Variants in DPP6 observed in about 807,000 individuals in gnomAD.
DPP6 encodes dipeptidyl peptidase like 6.
In DPP6, 69 loss-of-function variants were observed where a neutral mutation model predicts 122.6. The observed-to-expected ratio is 0.56, with a 90% confidence interval of 0.46 to 0.69. The LOEUF (loss-of-function observed/expected upper bound fraction) is 0.69, where lower values mean the gene tolerates loss of function less well. Ranked by LOEUF, DPP6 falls within the 30% of genes least tolerant of loss-of-function variation. DPP6 has a pLI of 0.00. For missense variants in DPP6, 928 were observed against 1,116.9 expected (o/e 0.83, Z 2.41); for synonymous variants, 418 against 433.1 (o/e 0.97, Z 0.43).
At chr7:154,298,182 G>C (rs537234862) in intron 1 of DPP6, among the ~76,000 whole-genome samples, 2 of 152,030 alleles carry the variant, frequency 1.3e-5, no homozygotes, top group South Asian at 4.2e-4. Flanking sequence ...CTCTTCCCCG[G>C]GTTTCCAGCC....
intron 1 of DPP6, among the ~76,000 whole-genome samples, chr7:154,253,896 A>T (rs1802501177): frequency 6.6e-6 from 1 of 152,214 alleles, no homozygotes; most frequent in Non-Finnish European, 1.5e-5. Context: ...AGGGGAAGCA[A>T]CTGTGTCTTC....
At chr7:154,419,154 T>TA (rs1028049458) in intron 1 of DPP6, among the ~76,000 whole-genome samples, 5 of 152,254 alleles carry the variant, frequency 3.3e-5, no homozygotes, top group African/African-American at 1.2e-4. Flanking sequence ...ATTTTAGTAT[T>TA]AAAGGCAAAG....
At chr7:154,338,214 T>A (rs1220122778) in intron 1 of DPP6, among the ~76,000 whole-genome samples, 1 of 152,194 alleles carries the variant, frequency 6.6e-6, no homozygotes, top group African/African-American at 2.4e-5. Context: ...CACTCCAAAT[T>A]GGACTCTCCA....
At chr7:154,780,855 G>A (rs1796976714) in intron 10 of DPP6, among the ~76,000 whole-genome samples, 1 of 152,190 alleles carries the variant, frequency 6.6e-6, no homozygotes, top group African/African-American at 2.4e-5. Flanking sequence ...TAGATGGATG[G>A]GTGATGGTTG....
chr7:154,106,511 C>G (rs1268984369), intron 1 of DPP6, among the ~76,000 whole-genome samples: 6 of 134,208 alleles, frequency 4.5e-5, no homozygotes, highest in African/African-American at 1.7e-4. Flanking sequence ...TCAGTGGCCA[C>G]TCATGCTGCT....
At chr7:154,263,015 A>T (rs1803139098) in intron 1 of DPP6, among the ~76,000 whole-genome samples, 1 of 152,260 alleles carries the variant, frequency 6.6e-6, no homozygotes, top group Non-Finnish European at 1.5e-5. Context: ...GCTAGGAATT[A>T]TAGCGTTACT....
At chr7:154,455,417 A>T (rs1331882990) in intron 2 of DPP6, among the ~76,000 whole-genome samples, 1 of 152,120 alleles carries the variant, frequency 6.6e-6, no homozygotes, top group Non-Finnish European at 1.5e-5. Context: ...TGATTTGTGA[A>T]ATCCTTGAGG....
chr7:154,499,276 A>G (rs547604485), intron 3 of DPP6, among the ~76,000 whole-genome samples: 1 of 152,276 alleles, frequency 6.6e-6, no homozygotes, highest in East Asian at 1.9e-4. Flanking sequence ...ATGGATACAA[A>G]AGGAGGGCCC....
chr7:154,888,640 G>A (rs1328330090), intron 23 of DPP6, among the ~76,000 whole-genome samples: 1 of 152,200 alleles, frequency 6.6e-6, no homozygotes, highest in Non-Finnish European at 1.5e-5. Flanking sequence ...ACCTGGAGTT[G>A]GAGGAAACTC....
intron 1 of DPP6, among the ~76,000 whole-genome samples, chr7:154,257,200 G>T (rs1484543395): frequency 6.6e-6 from 1 of 151,848 alleles, no homozygotes; most frequent in Non-Finnish European, 1.5e-5. Flanking sequence ...TGTTGCCCAG[G>T]CTGGTCTCGT....
rs564334623 is a variant in DPP6 at position 154,210,164 on chromosome 7, C to A, written c.243+157101C>A. Among the ~76,000 whole-genome samples, 7 of 152,302 alleles carry A rather than the reference C, an allele frequency of 4.6e-5. No homozygotes were observed. In the East Asian group the frequency reaches 1.4e-3, roughly 29 times the overall value. On this transcript the variant is annotated intron_variant, in intron 1 of 25. Coordinates refer to ENST00000377770, the MANE Select transcript of DPP6 (RefSeq NM_130797.4). ...AAAGGATCAATACCATGGCTGCCTC[C>A]TTGTCCAGCCAAGGGGAACCTGTGT...
At position 154,760,359 on chromosome 7, in the gene DPP6, A is replaced by G. The variant is rs1389058071; in HGVS notation, c.884-9058A>G. Among the ~76,000 whole-genome samples the G allele has an allele frequency of 1.3e-5, 2 of 151,968 alleles. No homozygotes were observed. The highest frequency in any genetic ancestry group is 4.8e-5 in the African/African-American group (2 of 41,350). On this transcript the variant is annotated intron_variant, in intron 8 of 25. Coordinates refer to ENST00000377770, the MANE Select transcript of DPP6 (RefSeq NM_130797.4). This position sits in a 1 kb window ranked among gnomAD's most constrained non-coding sequence, Gnocchi z 4.5. ...GTGCAAATTCAGGGGGGTGGGGTGG[A>G]GGAAATTCAGTCCATGACATCAGCA...
At chr7:154,652,536 G>A (rs1341771950) in intron 6 of DPP6, among the ~76,000 whole-genome samples, 1 of 152,052 alleles carries the variant, frequency 6.6e-6, no homozygotes, top group East Asian at 1.9e-4. Flanking sequence ...AGGGACCACA[G>A]TGACAGAGCC....
At chr7:154,570,508 G>C (rs1831040213) in intron 5 of DPP6, among the ~76,000 whole-genome samples, 1 of 151,996 alleles carries the variant, frequency 6.6e-6, no homozygotes, top group Non-Finnish European at 1.5e-5. Context: ...TGTGGTGTGT[G>C]TATATTCTCT....
intron 4 of DPP6, among the ~76,000 whole-genome samples, chr7:154,556,968 C>T (rs1830088840): frequency 6.6e-6 from 1 of 152,144 alleles, no homozygotes. Flanking sequence ...AGAAGGTAGA[C>T]CTGCAGCTCA....
chr7:153,882,331 TTA>T (rs1491434775), upstream of DPP6, among the ~76,000 whole-genome samples: 9 of 151,776 alleles, frequency 5.9e-5, no homozygotes, highest in African/African-American at 2.2e-4. Context: ...AAGAATAGTT[TTA>T]GTCTCTTTTC....
At chr7:154,439,630 T>TA (rs1819189903) in intron 1 of DPP6, among the ~76,000 whole-genome samples, 1 of 152,168 alleles carries the variant, frequency 6.6e-6, no homozygotes, top group Non-Finnish European at 1.5e-5. Flanking sequence ...AATTTGCAGG[T>TA]AAAAATAATC....
chr7:154,842,783 A>G (rs534366081), intron 16 of DPP6, among the ~76,000 whole-genome samples: 1 of 152,328 alleles, frequency 6.6e-6, no homozygotes, highest in East Asian at 1.9e-4. Flanking sequence ...TGTTGTTTTT[A>G]TTGCGGTTAT....
Position 154,077,012 on chromosome 7 carries a change from CT to C in DPP6, c.243+23950del, listed in dbSNP as rs1803605592. Among the ~76,000 whole-genome samples the C allele has an allele frequency of 1.3e-5, 2 of 152,174 alleles. 1 individual carries two copies. Among genetic ancestry groups the C allele is most frequent in the South Asian group, 4.1e-4 (2 of 4,832 alleles). ...AAGTTTACCATGTAGATTTCTTGTT[CT>C]GGTGCTATAATTGTGAAGCATATAG... On this transcript the variant is annotated intron_variant, in intron 1 of 25. Transcript: ENST00000377770.
Sources: gnomAD v4.1 joint callset for allele counts (sites outside exome capture counted in the v4.1 genomes callset) on GRCh38, gnomAD v4.1.1 for gene constraint, Gnocchi (gnomAD v3.1) non-coding constraint, MANE v1.5 for transcripts, NCBI Gene and HGNC (gene_info 2026-07-23, HGNC 2026-07-21) for gene names.